Variants in RAB3C observed in about 807,000 individuals in gnomAD.
RAB3C encodes ras-related protein Rab-3C.
A neutral mutation model predicts 26.4 loss-of-function variants in RAB3C; 17 were observed. The observed-to-expected ratio is 0.64, with a 90% CI of 0.44 to 0.97. The LOEUF (loss-of-function observed/expected upper bound fraction) is 0.97. Among genes scored for constraint, RAB3C ranks in the 50% least tolerant of loss-of-function variants. The pLI is 0.00. For missense variants in RAB3C, 242 were observed against 281.9 expected (o/e 0.86, Z 1.01); for synonymous variants, 91 against 95.9 (o/e 0.95, Z 0.30).
intron 3 of RAB3C, among the ~76,000 whole-genome samples, 191 bp from the exon 4 acceptor site, chr5:58,824,847 A>G (rs1282697161): frequency 1.3e-5 from 2 of 152,182 alleles, no homozygotes; most frequent in South Asian, 2.1e-4. Context: ...TTTTTGACTC[A>G]TGCAATCTCT....
intron 1 of RAB3C, among the ~76,000 whole-genome samples, chr5:58,598,959 G>A (rs182580068): frequency 3.3e-5 from 5 of 152,214 alleles, no homozygotes; most frequent in Non-Finnish European, 5.9e-5. Context: ...TCACTTGAGC[G>A]TTTAACACAT....
intron 3 of RAB3C, among the ~76,000 whole-genome samples, chr5:58,743,330 G>A (rs1741319485): frequency 6.6e-6 from 1 of 151,922 alleles, no homozygotes; most frequent in Non-Finnish European, 1.5e-5. Context: ...ATCTTTTAAA[G>A]GCATATTTAT....
At chr5:58,778,271 A>G (rs1455685466) in intron 3 of RAB3C, among the ~76,000 whole-genome samples, 5 of 152,262 alleles carry the variant, frequency 3.3e-5, no homozygotes, top group African/African-American at 1.2e-4. Context: ...GAATCTTACA[A>G]TAAATCCTCA....
intron 4 of RAB3C, 48 bp downstream of exon 4, chr5:58,825,210 T>C (rs1267172016): frequency 7.7e-6 from 12 of 1,567,434 alleles, no homozygotes; most frequent in Non-Finnish European, 6.9e-6. Flanking sequence ...TTGCTTATTA[T>C]ATGTAACTCT....
chr5:58,784,689 T>G (rs973725576), intron 3 of RAB3C: 7 of 152,156 alleles, frequency 4.6e-5, no homozygotes, highest in Non-Finnish European at 1.0e-4. Flanking sequence ...TCAAAAAGAC[T>G]AAAGGGTAAG....
At chr5:58,644,243 G>T (rs1429929095) in intron 2 of RAB3C, 1 of 152,166 alleles carries the variant, frequency 6.6e-6, no homozygotes, top group Non-Finnish European at 1.5e-5. Context: ...AGTAGCCTAA[G>T]ATTAAGAATA....
chr5:58,686,042 G>A (rs1365032465), intron 2 of RAB3C, among the ~76,000 whole-genome samples: 1 of 152,154 alleles, frequency 6.6e-6, no homozygotes, highest in Non-Finnish European at 1.5e-5. Flanking sequence ...TGGGTGAAAT[G>A]TGAATTAGAG....
rs535296754 is a variant in RAB3C, at chr5:58,726,333, T to G, written c.371+213T>G. ...AGTCATTCTGATGATTTTTCTGCAT[T>G]TTGTTCATTCCAGTGCTTTGCATTT... is the stretch of plus-strand genomic sequence containing the variant. On this transcript the variant is annotated intron_variant, in intron 3 of 4. Transcript: ENST00000282878. Among the ~76,000 whole-genome samples the G allele has an allele frequency of 2.0e-5, 3 of 152,108 alleles. No homozygotes were observed. The South Asian group carries it at 6.2e-4, about 32-fold the overall frequency.
chr5:58,596,058 C>G (rs1746240379), intron 1 of RAB3C, among the ~76,000 whole-genome samples: 1 of 152,052 alleles, frequency 6.6e-6, no homozygotes, highest in Non-Finnish European at 1.5e-5. Context: ...TTTGGACTTT[C>G]AACCAATTCT....
chr5:58,617,038 T>C (rs989436774), intron 1 of RAB3C, among the ~76,000 whole-genome samples: 3 of 150,364 alleles, frequency 2.0e-5, no homozygotes, highest in Admixed American at 6.6e-5. Flanking sequence ...ACCCATCTCA[T>C]TGGGTTACTG....
chr5:58,584,946 A>G (rs1242122871), intron 1 of RAB3C, among the ~76,000 whole-genome samples: 1 of 152,064 alleles, frequency 6.6e-6, no homozygotes, highest in Non-Finnish European at 1.5e-5. Flanking sequence ...TTCACCAACT[A>G]TGTAGTAGGC....
intron 2 of RAB3C, among the ~76,000 whole-genome samples, chr5:58,657,397 AAAGG>A (rs1161425226): frequency 6.6e-6 from 1 of 152,206 alleles, no homozygotes; most frequent in Non-Finnish European, 1.5e-5. Context: ...GAAAAAAAAA[AAAGG>A]AAAGAGTATT....
At chr5:58,633,596 A>G (rs776068350) in intron 2 of RAB3C, among the ~76,000 whole-genome samples, 1 of 152,194 alleles carries the variant, frequency 6.6e-6, no homozygotes, top group Non-Finnish European at 1.5e-5. Flanking sequence ...TAAAAGTCAT[A>G]TTATTAAGAG....
chr5:58,638,421 T>G (rs1203719207), intron 2 of RAB3C, among the ~76,000 whole-genome samples: 2 of 152,192 alleles, frequency 1.3e-5, no homozygotes, highest in Non-Finnish European at 2.9e-5. Context: ...GTTTATGGCA[T>G]GTTTTGGTCA....
intron 3 of RAB3C, among the ~76,000 whole-genome samples, chr5:58,749,361 A>G (rs1012600319): frequency 6.6e-6 from 1 of 152,204 alleles, no homozygotes; most frequent in Non-Finnish European, 1.5e-5. Flanking sequence ...TCTAATATCC[A>G]TTATGTGGAG....
rs2292715 is a variant in RAB3C at position 58,853,977 on chromosome 5, G to C, written c.*2626G>C. 31,702 of 150,956 alleles carry C rather than the reference G, an allele frequency of 0.21. 3,501 individuals are homozygous for C. The highest frequency in any genetic ancestry group is 0.26 in the Non-Finnish European group (17,526 of 67,852). The allele number at this position is 150,956 out of a possible 1,614,324, so 9.4% of individuals were successfully genotyped here. ...AACTAAGTGGGCTTTCATTGGCATT[G>C]AGCTATGTTACTTATAAATTATAAC... On this transcript the variant is annotated 3_prime_UTR_variant, in exon 5 of 5. Coordinates refer to ENST00000282878, the MANE Select transcript of RAB3C (RefSeq NM_138453.4).
At chr5:58,752,585 G>A (rs970775715) in intron 3 of RAB3C, among the ~76,000 whole-genome samples, 2 of 152,144 alleles carry the variant, frequency 1.3e-5, no homozygotes, top group Middle Eastern at 6.8e-3. Context: ...AGTGATTTGA[G>A]TCAATGGAAA....
At chr5:58,656,274 A>G (rs1173535388) in intron 2 of RAB3C, among the ~76,000 whole-genome samples, 1 of 152,214 alleles carries the variant, frequency 6.6e-6, no homozygotes, top group Admixed American at 6.5e-5. Flanking sequence ...AAAACATTTC[A>G]TAATACCAAA....
chr5:58,779,103 G>A (rs1742213412), intron 3 of RAB3C, among the ~76,000 whole-genome samples: 1 of 151,882 alleles, frequency 6.6e-6, no homozygotes, highest in African/African-American at 2.4e-5. Context: ...TCAACTACCG[G>A]CAGCCCAGAG....
Sources: allele counts gnomAD v4.1 joint callset (sites outside exome capture counted in the v4.1 genomes callset), GRCh38; gene constraint gnomAD v4.1.1; transcripts MANE v1.5; gene names NCBI Gene and HGNC (gene_info 2026-07-23, HGNC 2026-07-21).